The following ZBTB16 variants were observed in gnomAD, a reference collection of about 807,000 sequenced individuals.
ZBTB16 encodes the protein zinc finger and BTB domain containing 16.
ZBTB16 carries 8 observed loss-of-function variants against 56.8 expected under a neutral mutation model. The ratio of observed to expected loss-of-function variants is 0.14; its 90% CI spans 0.08 to 0.25. ZBTB16 has a LOEUF of 0.25. Among genes scored for constraint, ZBTB16 ranks in the 10% least tolerant of loss-of-function variants. The pLI is 1.00. For synonymous variants in ZBTB16, 363 were observed against 368.5 expected (o/e 0.98, Z 0.17); for missense variants, 625 against 903.0 (o/e 0.69, Z 3.95).
At chr11:114,066,346 G>A (rs11214861) in intron 2 of ZBTB16, among the ~76,000 whole-genome samples, 1 of 152,168 alleles carries the variant, frequency 6.6e-6, no homozygotes, top group Non-Finnish European at 1.5e-5. Context: ...CCGCCACTAA[G>A]GTGTGTCTTC....
intron 4 of ZBTB16, 94 bp from the exon 5 acceptor site, chr11:114,242,071 GGT>G: frequency 6.6e-7 from 1 of 1,507,558 alleles, no homozygotes; most frequent in Non-Finnish European, 9.1e-7. Flanking sequence ...GGGATTTGGA[GGT>G]GTGAGTCCCG....
In ZBTB16 at chr11:114,111,156, CGTGTGTGT is replaced by C. The variant is rs4020003; in HGVS notation, c.1269-45163_1269-45156del. ...ACTTTTGGCTTAGAGATCTGTGCTGCGTGTGTGTGTGTGTGTGTGTGTGTGCACGCGCG... is the reference window on the plus strand; with the variant it reads ...ACTTTTGGCTTAGAGATCTGTGCTGCGTGTGTGTGTGTGTGTGCACGCGCG... On this transcript the variant is annotated intron_variant, in intron 2 of 6. Coordinates refer to ENST00000335953, the MANE Select transcript of ZBTB16 (RefSeq NM_006006.6). Among the ~76,000 whole-genome samples, 777 of 148,964 alleles carry C rather than the reference CGTGTGTGT, an allele frequency of 5.2e-3. 7 individuals carry two copies. Among genetic ancestry groups the C allele is most frequent in the African/African-American group, 0.018 (728 of 40,604 alleles).
intron 4 of ZBTB16, among the ~76,000 whole-genome samples, chr11:114,196,905 A>G (rs1403817843): frequency 6.6e-6 from 1 of 152,156 alleles, no homozygotes; most frequent in Non-Finnish European, 1.5e-5. Flanking sequence ...CAGAAAGGTT[A>G]AGGAAGACCA....
At position 114,064,578 on chromosome 11, in the gene ZBTB16, G is replaced by T. The variant is rs201175915; in HGVS notation, c.1268+10G>T. 2 of 1,612,946 alleles carry T rather than the reference G, an allele frequency of 1.2e-6. No homozygotes were observed. Among genetic ancestry groups the T allele is most frequent in the Non-Finnish European group, 1.7e-6 (2 of 1,179,964 alleles). ...CTGTGGAGCAGCACAGGTAGGCCCC[G>T]CTCCAGCCCCGCACCTGATGTAGGA... On this transcript the variant is annotated intron_variant, in intron 2 of 6. Coordinates refer to ENST00000335953, the MANE Select transcript of ZBTB16 (RefSeq NM_006006.6). The surrounding 1 kb of genome is among the most constrained non-coding windows in gnomAD (Gnocchi z 4.2).
intron 4 of ZBTB16, among the ~76,000 whole-genome samples, chr11:114,214,985 C>CT (rs34263122): frequency 0.01 from 1,463 of 143,856 alleles, 14 homozygotes; most frequent in African/African-American, 0.032. Flanking sequence ...AGGAGCTTAT[C>CT]TTTTTTTTTT....
At chr11:114,210,540 G>A (rs1156925803) in intron 4 of ZBTB16, 4 of 231,200 alleles carry the variant, frequency 1.7e-5, no homozygotes, top group Non-Finnish European at 3.4e-5. Context: ...CTTTAATTTT[G>A]GAAGAAGCGG....
chr11:114,164,652 C>T (rs1003659059), intron 3 of ZBTB16, among the ~76,000 whole-genome samples: 17 of 152,208 alleles, frequency 1.1e-4, no homozygotes, highest in African/African-American at 3.9e-4. Flanking sequence ...CTGCCGGAAG[C>T]GTTCTTAGGA....
At chr11:114,124,606 A>C (rs1261328340) in intron 2 of ZBTB16, among the ~76,000 whole-genome samples, 1 of 152,044 alleles carries the variant, frequency 6.6e-6, no homozygotes, top group Non-Finnish European at 1.5e-5. Context: ...ACTGAACATT[A>C]ACCCTTTGGG....
chr11:114,234,342 C>T (rs970163273), intron 4 of ZBTB16, among the ~76,000 whole-genome samples: 1 of 152,178 alleles, frequency 6.6e-6, no homozygotes, highest in African/African-American at 2.4e-5. Context: ...GACAAACACC[C>T]ATGCATGAGC....
intron 3 of ZBTB16, among the ~76,000 whole-genome samples, chr11:114,165,021 T>G (rs754550011): frequency 9.9e-5 from 15 of 152,144 alleles, no homozygotes; most frequent in Non-Finnish European, 1.9e-4. Context: ...TCTTCGTTGG[T>G]CTTTTCTCTG....
chr11:114,246,913 T>C (rs551332265), intron 5 of ZBTB16: 13 of 480,888 alleles, frequency 2.7e-5, no homozygotes, highest in Non-Finnish European at 4.2e-5. Flanking sequence ...ACAAGGGGGC[T>C]TGCTTTCTGG....
chr11:114,130,188 C>T (rs1244726199), intron 2 of ZBTB16, among the ~76,000 whole-genome samples: 1 of 152,118 alleles, frequency 6.6e-6, no homozygotes, highest in African/African-American at 2.4e-5. Flanking sequence ...AGCAAATGTC[C>T]CAAGGGTGTG....
At chr11:114,165,893 G>A (rs1351026836) in intron 3 of ZBTB16, among the ~76,000 whole-genome samples, 3 of 152,214 alleles carry the variant, frequency 2.0e-5, no homozygotes, top group Admixed American at 2.0e-4. Context: ...ATGTTCCATA[G>A]AGGTCAAGCC....
intron 2 of ZBTB16, among the ~76,000 whole-genome samples, chr11:114,119,903 CGCTGCCTCCTTCTA>C (rs1432456222): frequency 3.3e-5 from 5 of 152,330 alleles, no homozygotes; most frequent in African/African-American, 1.2e-4. Context: ...TTCCATGGCA[CGCTGCCTCCTTCTA>C]GCATTCAGTG....
chr11:114,083,782 C>G (rs943293784), intron 2 of ZBTB16, among the ~76,000 whole-genome samples: 2 of 152,078 alleles, frequency 1.3e-5, no homozygotes, highest in African/African-American at 4.8e-5. Flanking sequence ...TCAAAGTATT[C>G]TTGATGCCGC....
intron 2 of ZBTB16, among the ~76,000 whole-genome samples, chr11:114,148,433 C>G (rs1304164342): frequency 0.14 from 5,925 of 41,242 alleles, 1,428 homozygotes; most frequent in Middle Eastern, 0.28. Context: ...CCCTCTCTCT[C>G]TCTTTCTCTC....
chr11:114,138,366 GA>G (rs1941852348), intron 2 of ZBTB16, among the ~76,000 whole-genome samples: 1 of 152,178 alleles, frequency 6.6e-6, no homozygotes, highest in African/African-American at 2.4e-5. Flanking sequence ...TTCACGGAGA[GA>G]AGAGGTTATT....
chr11:114,179,280 T>TAGAGAGAG (rs113097570), intron 3 of ZBTB16, among the ~76,000 whole-genome samples: 289 of 149,784 alleles, frequency 1.9e-3, no homozygotes, highest in African/African-American at 4.8e-3. Flanking sequence ...GAGAGAGAGC[T>TAGAGAGAG]AGAGAGAGAG....
At position 114,204,495 on chromosome 11, in the gene ZBTB16, A is replaced by G. The variant is rs1026458780; in HGVS notation, c.1453+17457A>G. Among the ~76,000 whole-genome samples the G allele has an allele frequency of 4.6e-5, 7 of 152,270 alleles. No homozygotes were observed. In the South Asian group the frequency reaches 1.0e-3, roughly 23 times the overall value. The stretch of plus-strand genomic sequence containing the variant: ...TGATATTCAGTGCATACTGTTTTGT[A>G]ATCTGTGATTTGCCTACCAACAGAC... On this transcript the variant is annotated intron_variant, in intron 4 of 6. Transcript: ENST00000335953.
Sources: allele counts gnomAD v4.1 joint callset (sites outside exome capture counted in the v4.1 genomes callset), GRCh38; gene constraint gnomAD v4.1.1; non-coding constraint Gnocchi (gnomAD v3.1); transcripts MANE v1.5; gene names NCBI Gene and HGNC (gene_info 2026-07-23, HGNC 2026-07-21).